MPP7: variants seen among roughly 807,000 people sequenced by gnomAD.
MPP7 encodes MAGUK p55 scaffold protein 7.
In MPP7, 60 loss-of-function variants were observed where a neutral mutation model predicts 76.5. That is an observed-to-expected ratio of 0.78 (90% CI 0.64 to 0.97). The LOEUF is 0.97. MPP7 is among the 50% of genes least tolerant of loss of function. The pLI is 0.00. For synonymous variants in MPP7, 237 were observed against 244.5 expected (o/e 0.97, Z 0.29); for missense variants, 641 against 694.0 (o/e 0.92, Z 0.86).
At chr10:28,254,262 G>A (rs1425558190) in intron 1 of MPP7, among the ~76,000 whole-genome samples, 1 of 152,086 alleles carries the variant, frequency 6.6e-6, no homozygotes, top group Non-Finnish European at 1.5e-5. Context: ...TGTGGTCCAA[G>A]GGCTGTATTT....
chr10:28,201,890 G>A (rs1588917413), intron 3 of MPP7, among the ~76,000 whole-genome samples: 1 of 152,250 alleles, frequency 6.6e-6, no homozygotes, highest in African/African-American at 2.4e-5. Context: ...AAACCTTCCT[G>A]CTACTATTTC....
At chr10:28,174,783 C>T (rs1836803113) in intron 3 of MPP7, among the ~76,000 whole-genome samples, 1 of 152,182 alleles carries the variant, frequency 6.6e-6, no homozygotes, top group East Asian at 1.9e-4. Context: ...TACAGGACTG[C>T]TAACAGCAGT....
At chr10:28,231,652 G>A (rs1838888421) in intron 2 of MPP7, among the ~76,000 whole-genome samples, 10 of 151,672 alleles carry the variant, frequency 6.6e-5, no homozygotes, top group Admixed American at 6.6e-4. Flanking sequence ...GGACAGTCTT[G>A]GAAAACTGTA....
intron 2 of MPP7, among the ~76,000 whole-genome samples, chr10:28,213,138 G>A (rs965695952): frequency 1.1e-4 from 16 of 152,050 alleles, no homozygotes; most frequent in Non-Finnish European, 2.2e-4. Flanking sequence ...ACAGGGTCTC[G>A]ATGTTGCCCC....
intron 3 of MPP7, among the ~76,000 whole-genome samples, chr10:28,183,045 T>G (rs1395631666): frequency 1.3e-5 from 2 of 152,144 alleles, no homozygotes; most frequent in Non-Finnish European, 2.9e-5. Flanking sequence ...GCCATTGCAT[T>G]CCAGCCTGGG....
At chr10:28,124,674 A>G (rs986729841) in intron 7 of MPP7, among the ~76,000 whole-genome samples, 26 of 150,852 alleles carry the variant, frequency 1.7e-4, no homozygotes, top group East Asian at 5.9e-4. Flanking sequence ...TAGTAGAGAC[A>G]GGGTTTCACC....
intron 5 of MPP7, among the ~76,000 whole-genome samples, chr10:28,146,410 T>G (rs1221265815): frequency 6.7e-6 from 1 of 150,134 alleles, no homozygotes; most frequent in African/African-American, 2.4e-5. Context: ...TTTTTGTTTT[T>G]TTTTTTTTTG....
At chr10:28,210,090 C>T (rs1346213825) in intron 2 of MPP7, among the ~76,000 whole-genome samples, 1 of 152,152 alleles carries the variant, frequency 6.6e-6, no homozygotes, top group East Asian at 1.9e-4. Flanking sequence ...TATACTGCAG[C>T]CCTTTCCCTT....
At chr10:28,299,618 G>A (rs1318190295) in intron 1 of MPP7, among the ~76,000 whole-genome samples, 1 of 152,086 alleles carries the variant, frequency 6.6e-6, no homozygotes, top group African/African-American at 2.4e-5. Context: ...AGCACCAATC[G>A]ACTTGCAGGG....
chr10:28,245,058 C>T (rs7911615), intron 1 of MPP7, among the ~76,000 whole-genome samples: 24,724 of 152,140 alleles, frequency 0.16, 2,358 homozygotes, highest in African/African-American at 0.26. Context: ...GACTGCCTTT[C>T]CATTGCATTT....
chr10:28,327,940 T>C (rs1361870242), intron 2 of MPP7, among the ~76,000 whole-genome samples: 1 of 152,224 alleles, frequency 6.6e-6, no homozygotes, highest in Non-Finnish European at 1.5e-5. Context: ...CCCTGACCTG[T>C]TGAACAAGGA....
intron 1 of MPP7, among the ~76,000 whole-genome samples, chr10:28,259,083 T>G (rs1446272030): frequency 6.6e-6 from 1 of 152,020 alleles, no homozygotes; most frequent in Non-Finnish European, 1.5e-5. Context: ...TCCACCAGGT[T>G]TTTTTTTAAC....
chr10:28,314,446 T>C (rs1007265211), intron 2 of MPP7, among the ~76,000 whole-genome samples: 14 of 152,230 alleles, frequency 9.2e-5, no homozygotes, highest in African/African-American at 2.2e-4. Flanking sequence ...ATAGGATTAA[T>C]GGCACCGCCT....
chr10:28,090,335 CTT>C (rs1461396411), intron 11 of MPP7, among the ~76,000 whole-genome samples: 1 of 152,042 alleles, frequency 6.6e-6, no homozygotes, highest in East Asian at 1.9e-4. Flanking sequence ...AAAACAATAA[CTT>C]AGATTTAATA....
chr10:28,211,796 G>A (rs1412561568), intron 2 of MPP7, among the ~76,000 whole-genome samples: 1 of 152,020 alleles, frequency 6.6e-6, no homozygotes, highest in Non-Finnish European at 1.5e-5. Context: ...CAGGAGCAGA[G>A]GGAGCAAGAA....
At chr10:28,302,614 GTC>G (rs1841187354) in intron 1 of MPP7, among the ~76,000 whole-genome samples, 1 of 151,972 alleles carries the variant, frequency 6.6e-6, no homozygotes, top group Non-Finnish European at 1.5e-5. Context: ...GTCAACAGGG[GTC>G]TCCAGGGGTC....
intron 1 of MPP7, among the ~76,000 whole-genome samples, chr10:28,297,243 TA>T (rs1416595461): frequency 5.3e-5 from 8 of 152,246 alleles, no homozygotes; most frequent in African/African-American, 1.9e-4. Context: ...CTCTTAATTT[TA>T]AAATGCTTTA....
At chr10:28,118,551 G>A in intron 11 of MPP7, 2 of 985,396 alleles carry the variant, frequency 2.0e-6, no homozygotes, top group Non-Finnish European at 2.4e-6. Context: ...TTCTGTTAGT[G>A]AGTTGGCCAG....
In MPP7 at chr10:28,119,666, A is replaced by G; in HGVS notation, c.937T>C (p.Ser313Pro). ...PEILVQPLKV[S>P]NRKSSGFRKS... The stretch of plus-strand genomic sequence containing the variant: ...ACAAACTTACATGATTTCCTGTTGG[A>G]AACTTTCAGGGGCTGAACCAATATT... The change falls in exon 11 of 17, where the codon TCC becomes CCC. Residue 313 changes from serine to proline, a missense_variant. Physicochemically the swap from Ser to Pro is moderately conservative, Grantham distance 74. Transcript: ENST00000683449. 1 of 1,613,652 alleles carries G rather than the reference A, an allele frequency of 6.2e-7. No individual in the cohort carries two copies. Among genetic ancestry groups the G allele is most frequent in the Non-Finnish European group, 8.5e-7 (1 of 1,179,702 alleles).
Sources: allele counts gnomAD v4.1 joint callset (sites outside exome capture counted in the v4.1 genomes callset), GRCh38; gene constraint gnomAD v4.1.1; transcripts MANE v1.5; gene names NCBI Gene and HGNC (gene_info 2026-07-23, HGNC 2026-07-21).